The following TUBGCP2 variants were observed in gnomAD, a reference collection of about 807,000 sequenced individuals.
The protein encoded by TUBGCP2 is tubulin gamma complex component 2.
In TUBGCP2, 55 loss-of-function variants were observed where a neutral mutation model predicts 92.2. The ratio of observed to expected loss-of-function variants is 0.60; its 90% CI spans 0.48 to 0.75. The LOEUF (loss-of-function observed/expected upper bound fraction) is 0.75, where lower values mean the gene tolerates loss of function less well. TUBGCP2 is among the 30% of genes least tolerant of loss of function. TUBGCP2 has a pLI of 0.00. For missense variants in TUBGCP2, 1,093 were observed against 1,188.9 expected (o/e 0.92, Z 1.19); for synonymous variants, 533 against 505.2 (o/e 1.06, Z -0.74).
intron 15 of TUBGCP2, among the ~76,000 whole-genome samples, 157 bp from the exon 16 acceptor site, chr10:133,282,499 T>C (rs1847009514): frequency 6.6e-6 from 1 of 151,258 alleles, no homozygotes; most frequent in African/African-American, 2.5e-5. Context: ...GGAAATGACT[T>C]ATCTGTGCCG....
intron 6 of TUBGCP2, 62 bp from the exon 7 acceptor site, chr10:133,293,300 T>A (rs1240859254): frequency 4.5e-6 from 7 of 1,564,334 alleles, no homozygotes; most frequent in Non-Finnish European, 6.1e-6. Context: ...CAATGTCCGA[T>A]ATTCTGAGTC....
intron 5 of TUBGCP2, among the ~76,000 whole-genome samples, chr10:133,294,208 G>A (rs1056044551): frequency 2.0e-5 from 3 of 152,244 alleles, no homozygotes; most frequent in African/African-American, 7.2e-5. Flanking sequence ...ATCCAGAGAG[G>A]ATGAGACGGC....
chr10:133,310,254 G>T, upstream of TUBGCP2: 1 of 1,614,024 alleles, frequency 6.2e-7, no homozygotes, highest in Non-Finnish European at 8.5e-7. Context: ...GTACCCCGCG[G>T]ACTTCCGGTT....
At chr10:133,310,011 C>A, upstream of TUBGCP2, 2 of 1,611,234 alleles carry the variant, frequency 1.2e-6, no homozygotes, top group East Asian at 4.5e-5. Context: ...CGAGGCCACC[C>A]CCCATTGGTG....
chr10:133,309,080 A>C (rs774180033), upstream of TUBGCP2: 5 of 1,301,800 alleles, frequency 3.8e-6, no homozygotes, highest in Non-Finnish European at 4.9e-6. Context: ...TTCCCGCGGG[A>C]GCACCAGTTC....
chr10:133,309,999 G>A (rs753687652), upstream of TUBGCP2: 1 of 1,611,544 alleles, frequency 6.2e-7, no homozygotes, highest in African/African-American at 1.3e-5. Context: ...CTGCACAGCC[G>A]CCGAGGCCAC....
intron 1 of TUBGCP2, 81 bp from the exon 2 acceptor site, chr10:133,303,061 A>G (rs1564774086): frequency 1.5e-6 from 2 of 1,307,558 alleles, no homozygotes; most frequent in East Asian, 2.5e-5. Context: ...AGACTGGCCA[A>G]TGTCAGGCTT....
chr10:133,312,152 C>A (rs1372026293), upstream of TUBGCP2: 2 of 1,433,550 alleles, frequency 1.4e-6, no homozygotes, highest in Non-Finnish European at 1.8e-6. Flanking sequence ...CAGGCGTCTG[C>A]CTTAATAGCA....
intron 4 of TUBGCP2, among the ~76,000 whole-genome samples, chr10:133,299,201 C>T (rs1317130382): frequency 6.6e-6 from 1 of 152,050 alleles, no homozygotes; most frequent in Non-Finnish European, 1.5e-5. Context: ...GCTATTGATT[C>T]TTGTGGTCCA....
chr10:133,303,720 G>A (rs765773535), intron 1 of TUBGCP2, among the ~76,000 whole-genome samples: 10 of 152,318 alleles, frequency 6.6e-5, no homozygotes, highest in Non-Finnish European at 7.3e-5. Context: ...TCTGGTACCC[G>A]TGACATCTCC....
At position 133,293,552 on chromosome 10, in the gene TUBGCP2, CG is replaced by C. The variant is rs771671355; in HGVS notation, c.824+9del. ...AGCGCAGGCTCCCAGGGACCGCGCC[CG>C]GTGCCCACCTGGTCACAGCGGAGTA... On this transcript the variant is annotated intron_variant, in intron 6 of 17. Coordinates refer to ENST00000252936, the MANE Select transcript of TUBGCP2 (RefSeq NM_006659.4). The C allele has an allele frequency of 3.2e-5, 50 of 1,550,178 alleles. No homozygotes were observed. The highest frequency in any genetic ancestry group is 4.3e-5 in the Non-Finnish European group (49 of 1,146,622).
At chr10:133,282,875 C>A (rs1187795906) in intron 15 of TUBGCP2, among the ~76,000 whole-genome samples, 1 of 152,210 alleles carries the variant, frequency 6.6e-6, no homozygotes, top group African/African-American at 2.4e-5. Flanking sequence ...GGAACACAGC[C>A]CTGCCCACGC....
chr10:133,292,603 G>A lies in TUBGCP2; in HGVS notation c.1110C>T (p.Ser370=). 6.2e-7 allele frequency: 1 copy of A among 1,614,140 alleles called. No individual in the cohort carries two copies. The highest frequency in any genetic ancestry group is 1.7e-4 in the Middle Eastern group (1 of 6,058). Residue 370 remains serine (S), a synonymous_variant, in exon 8 of 18, where the codon AGC becomes AGT. Coordinates refer to ENST00000252936, the MANE Select transcript of TUBGCP2 (RefSeq NM_006659.4). ...HDRSFSYTGD[S]QAQELCLYLT... is the part of the protein sequence containing the mutation. ...GGTACAGGCATAGCTCCTGCGCCTG[G>A]CTGTCCCCTGTGTAGCTGAAGCTCC...
At chr10:133,300,407 T>G (rs948610045) in intron 2 of TUBGCP2, 2 of 254,826 alleles carry the variant, frequency 7.8e-6, no homozygotes, top group African/African-American at 4.4e-5. Context: ...AAAACCCCAT[T>G]TCTACAAAAA....
intron 1 of TUBGCP2, among the ~76,000 whole-genome samples, chr10:133,306,780 TC>T (rs1471159026): frequency 2.6e-5 from 4 of 151,940 alleles, no homozygotes. Flanking sequence ...AGAGCGAGAC[TC>T]TGTCTCAAAA....
At chr10:133,280,363 C>T in intron 17 of TUBGCP2, among the ~76,000 whole-genome samples, 1 of 152,192 alleles carries the variant, frequency 6.6e-6, no homozygotes, top group African/African-American at 2.4e-5. Context: ...GAAATCCCTG[C>T]TCAGAAAATC....
At position 133,283,950 on chromosome 10, in the gene TUBGCP2, T is replaced by C. The variant is rs1276557534; in HGVS notation, c.2077A>G (p.Ile693Val). 6.2e-6 allele frequency: 10 copies of C among 1,614,054 alleles called. No homozygotes were observed. The highest frequency in any genetic ancestry group is 1.7e-5 in the Admixed American group (1 of 60,006). ...ACTTCAAACATCATGTAGTATTGAA[T>C]ATTCTGGACGAAGTTGAGCATTCGC... The part of the protein sequence containing the change: ...RQRMLNFVQN[I>V]QYYMMFEVME... The change falls in exon 14 of 18, where the codon ATT becomes GTT. Residue 693 changes from isoleucine (I) to valine (V), a missense_variant. Physicochemically the swap from Ile to Val is conservative, Grantham distance 29. This residue lies in a region of TUBGCP2 where 598 missense variants were observed against 675.5 expected (regional missense o/e 0.89). Transcript: ENST00000252936.
At chr10:133,308,734 G>A (rs1458869799) in intron 1 of TUBGCP2, 89 bp downstream of exon 1, 26 of 323,216 alleles carry the variant, frequency 8.0e-5, no homozygotes, top group Non-Finnish European at 1.3e-4. Context: ...GCCGCGTCCC[G>A]CCAGCCCCGT....
chr10:133,309,295 C>A, upstream of TUBGCP2: 1 of 1,460,286 alleles, frequency 6.8e-7, no homozygotes, highest in Non-Finnish European at 9.3e-7. Context: ...GGGACCGGAG[C>A]GCGGGATGAC....
Sources: allele counts gnomAD v4.1 joint callset (sites outside exome capture counted in the v4.1 genomes callset), GRCh38; gene constraint gnomAD v4.1.1; regional missense constraint gnomAD v4.1.1; transcripts MANE v1.5; gene names NCBI Gene and HGNC (gene_info 2026-07-23, HGNC 2026-07-21).